MYO3A: variants seen among roughly 807,000 people sequenced by gnomAD.
MYO3A encodes myosin IIIA.
MYO3A carries 180 observed loss-of-function variants against 192.7 expected under a neutral mutation model. The ratio of observed to expected loss-of-function variants is 0.93; its 90% confidence interval spans 0.83 to 1.06. The LOEUF (loss-of-function observed/expected upper bound fraction) is 1.06, where lower values mean the gene tolerates loss of function less well. Among genes scored for constraint, MYO3A ranks in the 50% least tolerant of loss-of-function variants. MYO3A has a pLI of 0.00. For missense variants in MYO3A, 1,896 were observed against 1,905.0 expected (o/e 1.00, Z 0.09); for synonymous variants, 628 against 645.3 (o/e 0.97, Z 0.41).
At position 25,996,483 on chromosome 10, in the gene MYO3A, T is replaced by C; in HGVS notation, c.304-7T>C. On this transcript the variant is annotated splice_region_variant and splice_polypyrimidine_tract_variant and intron_variant, in intron 4 of 34. Transcript: ENST00000642920. ...TTTAATAGCCATCTTAAAATATTCTTGTTTAGCTCTGCAGTGGAGGATCAG... is the reference window on the plus strand; with the variant it reads ...TTTAATAGCCATCTTAAAATATTCTCGTTTAGCTCTGCAGTGGAGGATCAG... 6.2e-7 allele frequency: 1 copy of C among 1,611,032 alleles called. No individual in the cohort carries two copies. Among genetic ancestry groups the C allele is most frequent in the Non-Finnish European group, 8.5e-7 (1 of 1,177,324 alleles).
At chr10:26,002,169 G>T (rs996500528) in intron 6 of MYO3A, among the ~76,000 whole-genome samples, 1 of 152,196 alleles carries the variant, frequency 6.6e-6, no homozygotes, top group Non-Finnish European at 1.5e-5. Flanking sequence ...CAATTTCTCT[G>T]TGTATCTAAG....
chr10:26,162,126 T>C (rs901648605), intron 26 of MYO3A, among the ~76,000 whole-genome samples: 2 of 152,208 alleles, frequency 1.3e-5, no homozygotes, highest in Admixed American at 1.3e-4. Flanking sequence ...CCTGTGTTCA[T>C]TGTTGTGTCT....
chr10:26,158,261 T>A (rs60849859), intron 26 of MYO3A, among the ~76,000 whole-genome samples: 2 of 152,060 alleles, frequency 1.3e-5, no homozygotes, highest in East Asian at 1.9e-4. Context: ...TTTATTTTTT[T>A]TTTTTTTTTG....
At position 26,157,462 on chromosome 10, in the gene MYO3A, A is replaced by C; in HGVS notation, c.2946A>C (p.Arg982Ser). The C allele has an allele frequency of 6.2e-7, 1 of 1,614,198 alleles. No individual in the cohort carries two copies. Among genetic ancestry groups the C allele is most frequent in the East Asian group, 2.2e-5 (1 of 44,878 alleles). Residue 982 changes from arginine to serine, a missense_variant, in exon 26 of 35, where the codon AGA (arginine) becomes AGC (serine). Arg to Ser is a moderately radical substitution (Grantham distance 110, BLOSUM62 -1). Transcript: ENST00000642920. ...ACACAGGAATTCTGGAAACAGCAAGAATTCGAAGACTAGGATTCTCCCATC... is the reference window on the plus strand; with the variant it reads ...ACACAGGAATTCTGGAAACAGCAAGCATTCGAAGACTAGGATTCTCCCATC... Reference protein sequence around the residue: ...LRYTGILETARIRRLGFSHRI... With the variant: ...LRYTGILETASIRRLGFSHRI...
At position 26,096,374 on chromosome 10, in the gene MYO3A, T is replaced by C. The variant is rs886044560; in HGVS notation, c.1563-7T>C. The C allele has an allele frequency of 1.3e-6, 2 of 1,584,372 alleles. No individual in the cohort carries two copies. Among genetic ancestry groups the C allele is most frequent in the Non-Finnish European group, 1.7e-6 (2 of 1,154,978 alleles). On this transcript the variant is annotated splice_polypyrimidine_tract_variant and splice_region_variant and intron_variant, in intron 15 of 34. Coordinates refer to ENST00000642920, the MANE Select transcript of MYO3A (RefSeq NM_017433.5). Reference sequence around the variant, plus strand: ...AACTACCTTACTGTAAATATCTTTTTTTCCAGTGGAGAAAAAAATTTTCAT... The same window carrying C: ...AACTACCTTACTGTAAATATCTTTTCTTCCAGTGGAGAAAAAAATTTTCAT...
intron 30 of MYO3A, among the ~76,000 whole-genome samples, chr10:26,174,905 T>C (rs1589080662): frequency 6.6e-6 from 1 of 152,232 alleles, no homozygotes; most frequent in South Asian, 2.1e-4. Flanking sequence ...TTTTAAGTTT[T>C]CTAAATCCTC....
intron 14 of MYO3A, among the ~76,000 whole-genome samples, chr10:26,081,536 G>A (rs1835959376): frequency 6.6e-6 from 1 of 152,094 alleles, no homozygotes; most frequent in Non-Finnish European, 1.5e-5. Flanking sequence ...TGCCTGTGGG[G>A]TCTGCACACC....
chr10:26,033,205 C>T (rs1842880481), intron 10 of MYO3A, among the ~76,000 whole-genome samples: 1 of 152,062 alleles, frequency 6.6e-6, no homozygotes. Flanking sequence ...TCCCGAGTAG[C>T]TGTGATTGCA....
chr10:26,108,973 T>C lies in MYO3A; in HGVS notation c.1777-11703T>C, dbSNP rs555777978. Among the ~76,000 whole-genome samples the C allele has an allele frequency of 4.6e-5, 7 of 152,316 alleles. 1 individual carries two copies. The South Asian group carries it at 1.5e-3, about 32-fold the overall frequency. On this transcript the variant is annotated intron_variant, in intron 17 of 34. Transcript: ENST00000642920. Reference sequence around the variant, plus strand: ...TTTGTCCATCAAGATCTTAGAAATCTTCACTGATCCATCTCCCCAAAGCTA... The same window carrying C: ...TTTGTCCATCAAGATCTTAGAAATCCTCACTGATCCATCTCCCCAAAGCTA...
intron 4 of MYO3A, among the ~76,000 whole-genome samples, chr10:25,982,789 A>C (rs921849129): frequency 2.6e-5 from 4 of 152,140 alleles, no homozygotes; most frequent in Admixed American, 2.6e-4. Context: ...AAAAAATCTG[A>C]ACAGCAGCCC....
intron 4 of MYO3A, among the ~76,000 whole-genome samples, chr10:25,995,524 A>G (rs1307034022): frequency 2.6e-5 from 4 of 152,158 alleles, no homozygotes; most frequent in Non-Finnish European, 5.9e-5. Flanking sequence ...TTCTCCATCC[A>G]GCTTTGTTCC....
intron 31 of MYO3A, among the ~76,000 whole-genome samples, chr10:26,178,379 C>T (rs1425912460): frequency 1.3e-5 from 2 of 151,996 alleles, no homozygotes; most frequent in Non-Finnish European, 2.9e-5. Flanking sequence ...TGGTGAAACC[C>T]CTTCTCTACT....
At chr10:26,175,949 G>GT (rs1451315092) in intron 30 of MYO3A, among the ~76,000 whole-genome samples, 4 of 152,104 alleles carry the variant, frequency 2.6e-5, no homozygotes, top group African/African-American at 9.7e-5. Flanking sequence ...AGAGGCGGGG[G>GT]GCAGAATGGA....
At chr10:25,955,871 G>A (rs1015031713) in intron 4 of MYO3A, among the ~76,000 whole-genome samples, 3 of 152,106 alleles carry the variant, frequency 2.0e-5, no homozygotes, top group Non-Finnish European at 2.9e-5. Context: ...TTTTCCTGAA[G>A]TGGCATTGTC....
At chr10:25,953,911 C>A (rs1487614036) in intron 3 of MYO3A, among the ~76,000 whole-genome samples, 1 of 152,092 alleles carries the variant, frequency 6.6e-6, no homozygotes, top group Non-Finnish European at 1.5e-5. Context: ...AGATTATAAT[C>A]TTAAATAAAT....
intron 4 of MYO3A, among the ~76,000 whole-genome samples, chr10:25,968,876 G>T (rs907538419): frequency 6.6e-6 from 1 of 152,198 alleles, no homozygotes; most frequent in Non-Finnish European, 1.5e-5. Flanking sequence ...TAGTGACTTA[G>T]TATCCATCTG....
chr10:26,075,368 A>G (rs1835465436), intron 14 of MYO3A, among the ~76,000 whole-genome samples: 1 of 151,006 alleles, frequency 6.6e-6, no homozygotes, highest in Non-Finnish European at 1.5e-5. Flanking sequence ...ATTTTGGTGC[A>G]CCCATCACCC....
chr10:26,109,339 A>G (rs2131630596), intron 17 of MYO3A, among the ~76,000 whole-genome samples: 1 of 152,352 alleles, frequency 6.6e-6, no homozygotes, highest in African/African-American at 2.4e-5. Flanking sequence ...CCTGTAGTCA[A>G]CTGCAGTTTG....
Position 26,174,225 on chromosome 10 carries a change from G to A in MYO3A, c.3961G>A (p.Glu1321Lys), listed in dbSNP as rs200190443. The A allele has an allele frequency of 3.7e-6, 6 of 1,614,046 alleles. No individual in the cohort carries two copies. The Admixed American group carries it at 5.0e-5, about 13-fold the overall frequency. ...GCGTGCACCGATATGCAGCCAGGAG[G>A]AAGGCAGAGGCCGTCTGAGGCATGA... ...TQRAPICSQEEGRGRLRHETV... is the reference protein window; with the variant it reads ...TQRAPICSQEKGRGRLRHETV... Residue 1321 changes from glutamate (E) to lysine (K), a missense_variant, in exon 30 of 35, where the codon GAA becomes AAA. Glu to Lys is a moderately conservative substitution (Grantham distance 56). Transcript: ENST00000642920.
Sources: allele counts gnomAD v4.1 joint callset (sites outside exome capture counted in the v4.1 genomes callset), GRCh38; gene constraint gnomAD v4.1.1; transcripts MANE v1.5; gene names NCBI Gene and HGNC (gene_info 2026-07-23, HGNC 2026-07-21).